ICAM2: variants seen among roughly 807,000 people sequenced by gnomAD.
ICAM2 encodes the protein intercellular adhesion molecule 2, also known as ICAM-2.
ICAM2 carries 14 observed loss-of-function variants against 19.1 expected under a neutral mutation model. That is an observed-to-expected ratio of 0.73 (90% CI 0.48 to 1.15). The LOEUF (loss-of-function observed/expected upper bound fraction) is 1.15. Among genes scored for constraint, ICAM2 ranks in the 50% most tolerant of loss-of-function variants. The probability of loss-of-function intolerance (pLI) is 0.00; values close to 1 mark genes in which losing one functional copy is unlikely to be tolerated. For missense variants in ICAM2, 311 were observed against 355.4 expected (o/e 0.88, Z 1.00); for synonymous variants, 153 against 152.7 (o/e 1.00, Z -0.01).
At chr17:64,011,237 T>G (rs973988665) in intron 1 of ICAM2, among the ~76,000 whole-genome samples, 3 of 151,856 alleles carry the variant, frequency 2.0e-5, no homozygotes, top group African/African-American at 7.3e-5. Context: ...CCGAGGTGGG[T>G]GGATCATGAA....
Position 64,003,762 on chromosome 17 carries a change from G to A in ICAM2, c.531C>T (p.Ser177=), listed in dbSNP as rs979410856. The A allele has an allele frequency of 2.5e-6, 4 of 1,614,136 alleles. No individual in the cohort carries two copies. The highest frequency in any genetic ancestry group is 3.4e-6 in the Non-Finnish European group (4 of 1,180,052). Residue 177 remains serine, a synonymous_variant, in exon 4 of 5, where the codon AGC becomes AGT. Transcript: ENST00000579788. ...APQEATATFN[S]TADREDGHRN... Reference sequence around the variant, plus strand: ...GGTGGCCATCCTCTCTGTCAGCCGTGCTGTTGAATGTGGCTGTGGCCTCCT... The same window carrying A: ...GGTGGCCATCCTCTCTGTCAGCCGTACTGTTGAATGTGGCTGTGGCCTCCT...
At chr17:64,016,321 G>A (rs1279802342) in intron 1 of ICAM2, among the ~76,000 whole-genome samples, 1 of 152,184 alleles carries the variant, frequency 6.6e-6, no homozygotes, top group Non-Finnish European at 1.5e-5. Flanking sequence ...GGTGCTCTGT[G>A]TCATATCACT....
At chr17:64,003,524 C>T (rs1910956283) in intron 4 of ICAM2, 120 bp downstream of exon 4, 1 of 897,076 alleles carries the variant, frequency 1.1e-6, no homozygotes, top group Admixed American at 2.3e-5. Context: ...AGAGGGAAGC[C>T]TCAGGATGAA....
chr17:64,014,710 G>GAAAGA (rs1911639196), intron 1 of ICAM2, among the ~76,000 whole-genome samples: 1 of 36,342 alleles, frequency 2.8e-5, no homozygotes, highest in African/African-American at 9.9e-5. Flanking sequence ...AGGAAGGAAG[G>GAAAGA]AAGGAAGGAA....
At position 64,005,303 on chromosome 17, in the gene ICAM2, G is replaced by A. The variant is rs780142380; in HGVS notation, c.132C>T (p.Leu44=). Residue 44 remains leucine (L), a synonymous_variant, in exon 3 of 5, where the codon CTC becomes CTT. Coordinates refer to ENST00000579788, the MANE Select transcript of ICAM2 (RefSeq NM_001099789.2). Reference sequence around the variant, plus strand: ...TACAGGTGGTGCTGCAGTTGACCTCGAGGGACCCTTTGGGCTCAACCGCCA... The same window carrying A: ...TACAGGTGGTGCTGCAGTTGACCTCAAGGGACCCTTTGGGCTCAACCGCCA... The part of the protein sequence containing the change: ...KKLAVEPKGS[L]EVNCSTTCNQ... 24 of 1,613,948 alleles carry A rather than the reference G, an allele frequency of 1.5e-5. No individual in the cohort carries two copies. The highest frequency in any genetic ancestry group is 1.6e-4 in the Middle Eastern group (1 of 6,084).
intron 4 of ICAM2, chr17:64,003,300 G>A: frequency 2.3e-6 from 1 of 427,446 alleles, no homozygotes; most frequent in South Asian, 2.8e-5. Context: ...CTGTGTGCCG[G>A]CCGTCCAGGG....
At position 64,014,454 on chromosome 17, in the gene ICAM2, GGA is replaced by G. The variant is rs796398652; in HGVS notation, c.-45+6067_-45+6068del. ...AAGGAAGGAAGAGAGAGAGAGAGAAGGAGAGAGAGAGGGGAAGGAAGGAAGGA... is the reference window on the plus strand; with the variant it reads ...AAGGAAGGAAGAGAGAGAGAGAGAAGGAGAGAGAGGGGAAGGAAGGAAGGA... On this transcript the variant is annotated intron_variant, in intron 1 of 4. Transcript: ENST00000579788. 2.0e-3 allele frequency among the ~76,000 whole-genome samples: 221 copies of G among 110,402 alleles called. 4 individuals carry two copies. Among genetic ancestry groups the G allele is most frequent in the South Asian group, 0.014 (48 of 3,350 alleles). 72.4% of individuals were successfully genotyped at this position (110,402 alleles called of 152,430 possible).
chr17:64,009,522 A>G (rs1911358572), intron 1 of ICAM2, among the ~76,000 whole-genome samples: 1 of 152,162 alleles, frequency 6.6e-6, no homozygotes, highest in African/African-American at 2.4e-5. Flanking sequence ...ATCTCAGCTC[A>G]CTGCAACGTC....
chr17:64,003,000 C>T (rs900337479), intron 4 of ICAM2, 75 bp from the exon 5 acceptor site: 12 of 1,434,962 alleles, frequency 8.4e-6, no homozygotes, highest in Admixed American at 7.9e-5. Flanking sequence ...AGTGGAAGTC[C>T]ACCCCCAACC....
chr17:64,006,846 G>A (rs748035180), intron 1 of ICAM2, 111 bp from the exon 2 acceptor site: 8 of 671,150 alleles, frequency 1.2e-5, no homozygotes, highest in South Asian at 5.6e-5. Context: ...GGGAAGCCAC[G>A]TGCACCAGCT....
intron 3 of ICAM2, 64 bp from the exon 4 acceptor site, chr17:64,004,028 G>A (rs1429269462): frequency 2.4e-6 from 3 of 1,259,010 alleles, no homozygotes; most frequent in Non-Finnish European, 3.3e-6. Context: ...GCCTCCCCCT[G>A]GCCAGGGCCA....
chr17:64,005,430 T>A (rs990987168), intron 2 of ICAM2, 57 bp from the exon 3 acceptor site: 3 of 1,574,580 alleles, frequency 1.9e-6, no homozygotes, highest in Non-Finnish European at 2.6e-6. Context: ...TGCCCTCCAG[T>A]GGAGCTGTCC....
At chr17:64,020,305 G>A (rs972852140) in intron 1 of ICAM2, 1 of 152,410 alleles carries the variant, frequency 6.6e-6, no homozygotes, top group African/African-American at 2.4e-5. Flanking sequence ...GCCAGGGCAA[G>A]TGCGTGAGCT....
At chr17:64,012,261 G>C (rs1598023612) in intron 1 of ICAM2, among the ~76,000 whole-genome samples, 1 of 152,126 alleles carries the variant, frequency 6.6e-6, no homozygotes, top group East Asian at 1.9e-4. Context: ...CCAGGAGTTT[G>C]AAACCAGCCT....
chr17:64,014,002 C>A (rs988781087), intron 1 of ICAM2, among the ~76,000 whole-genome samples: 1 of 151,850 alleles, frequency 6.6e-6, no homozygotes, highest in Non-Finnish European at 1.5e-5. Flanking sequence ...AGTTTTAAAA[C>A]GCTTATATAT....
Position 64,003,672 on chromosome 17 carries a change from GTGTT to G in ICAM2, c.617_620del (p.Lys206ThrfsTer21). ...AGATCTCCAACATCTTCGGGGCTGAGTGTTTGTGAAAGATGTTGCCACCGCGAGA... is the reference window on the plus strand; with the variant it reads ...AGATCTCCAACATCTTCGGGGCTGAGTGTGAAAGATGTTGCCACCGCGAGA... On this transcript the variant is annotated frameshift_variant, in exon 4 of 5. Coordinates refer to ENST00000579788, the MANE Select transcript of ICAM2 (RefSeq NM_001099789.2). LOFTEE classifies it low-confidence loss of function (END_TRUNC). The G allele has an allele frequency of 1.9e-6, 3 of 1,614,088 alleles. No individual in the cohort carries two copies. The highest frequency in any genetic ancestry group is 1.3e-5 in the African/African-American group (1 of 75,058).
chr17:64,011,248 G>T (rs1911440237), intron 1 of ICAM2, among the ~76,000 whole-genome samples: 1 of 152,186 alleles, frequency 6.6e-6, no homozygotes, highest in African/African-American at 2.4e-5. Flanking sequence ...GGATCATGAA[G>T]TCAGGAGATG....
At chr17:64,005,598 T>A (rs1348654798) in intron 2 of ICAM2, among the ~76,000 whole-genome samples, 1 of 151,942 alleles carries the variant, frequency 6.6e-6, no homozygotes, top group Admixed American at 6.6e-5. Context: ...TCCAGCCCCC[T>A]AGCTGACACC....
At chr17:64,013,310 TC>T (rs1045353411) in intron 1 of ICAM2, among the ~76,000 whole-genome samples, 1 of 152,052 alleles carries the variant, frequency 6.6e-6, no homozygotes, top group African/African-American at 2.4e-5. Context: ...TCACTCTGTC[TC>T]AAGAAATAAA....
Sources: allele counts gnomAD v4.1 joint callset (sites outside exome capture counted in the v4.1 genomes callset), GRCh38; gene constraint gnomAD v4.1.1; transcripts MANE v1.5; gene names NCBI Gene and HGNC (gene_info 2026-07-23, HGNC 2026-07-21).